The following HERC1 variants were observed in gnomAD, a reference collection of about 807,000 sequenced individuals.
HERC1 encodes probable E3 ubiquitin-protein ligase HERC1.
Under a neutral mutation model 554.3 loss-of-function variants are expected in HERC1, and 160 were observed. The ratio of observed to expected loss-of-function variants is 0.29; its 90% CI spans 0.25 to 0.33. The LOEUF (loss-of-function observed/expected upper bound fraction) is 0.33. HERC1 is among the 10% of genes least tolerant of loss of function. The pLI, the probability that HERC1 is intolerant of heterozygous loss-of-function variation, is 1.00. For synonymous variants in HERC1, 2,175 were observed against 2,131.7 expected (o/e 1.02, Z -0.56); for missense variants, 4,919 against 5,918.5 (o/e 0.83, Z 5.54).
At chr15:63,689,495 G>A in intron 33 of HERC1, 94 bp downstream of exon 33, 1 of 643,122 alleles carries the variant, frequency 1.6e-6, no homozygotes, top group African/African-American at 1.9e-5. Flanking sequence ...ATAAATGATA[G>A]AGCAAGGTGC....
intron 24 of HERC1, among the ~76,000 whole-genome samples, chr15:63,709,131 T>G (rs2073163883): frequency 6.6e-6 from 1 of 151,212 alleles, no homozygotes; most frequent in South Asian, 2.1e-4. Context: ...CTGGGACAGG[T>G]GCACACCACA....
intron 32 of HERC1, 93 bp from the exon 33 acceptor site, chr15:63,689,792 G>A (rs923383189): frequency 3.9e-5 from 26 of 671,540 alleles, no homozygotes; most frequent in Admixed American, 3.9e-4. Context: ...ATATTAACTC[G>A]CATGCGAAGT....
chr15:63,626,890 A>C lies in HERC1; in HGVS notation c.13106-736T>G, dbSNP rs373136951. 1.4e-4 allele frequency among the ~76,000 whole-genome samples: 22 copies of C among 152,320 alleles called. 1 individual carries two copies. The South Asian group carries it at 4.3e-3, about 30-fold the overall frequency. On this transcript the variant is annotated intron_variant, in intron 70 of 77. Transcript: ENST00000443617. Reference sequence around the variant, plus strand: ...GGCACTATTCTAAGAGCTTTACATGAATGGGGCCACTTACTTCTACAGCTC... The same window carrying C: ...GGCACTATTCTAAGAGCTTTACATGCATGGGGCCACTTACTTCTACAGCTC...
intron 1 of HERC1, among the ~76,000 whole-genome samples, chr15:63,815,778 T>C (rs1461588183): frequency 6.6e-6 from 1 of 152,076 alleles, no homozygotes; most frequent in African/African-American, 2.4e-5. Flanking sequence ...GACTGGGTAA[T>C]TTATAAAGGA....
intron 34 of HERC1, among the ~76,000 whole-genome samples, chr15:63,682,513 G>A (rs144129273): frequency 2.0e-5 from 3 of 152,322 alleles, no homozygotes; most frequent in Admixed American, 6.5e-5. Flanking sequence ...GCTCACACCT[G>A]TAATCTTAGC....
Position 63,674,933 on chromosome 15 carries a change from G to C in HERC1, c.7255C>G (p.Arg2419Gly). The change falls in exon 38 of 78, where the codon CGA (arginine) becomes GGA (glycine). Residue 2419 changes from arginine (R) to glycine (G), a missense_variant. Arg to Gly is a moderately radical substitution (Grantham distance 125, BLOSUM62 -2). Around this residue, in one of 11 missense-constraint regions of HERC1, gnomAD observed 1,963 missense variants for 2,228.6 expected, o/e 0.88. Coordinates refer to ENST00000443617, the MANE Select transcript of HERC1 (RefSeq NM_003922.4). ...TCCCCTTTCTCCTCGGATTCATGTC[G>C]GTGTTTCTTTTCATGTCGTTTGGTG... ...QSTKRHEKKH[R>G]HESEEKGDVE... The C allele has an allele frequency of 6.2e-7, 1 of 1,613,966 alleles. No homozygotes were observed. The highest frequency in any genetic ancestry group is 8.5e-7 in the Non-Finnish European group (1 of 1,179,886).
intron 19 of HERC1, among the ~76,000 whole-genome samples, chr15:63,722,146 G>T (rs562982275): frequency 2.6e-5 from 4 of 152,154 alleles, no homozygotes; most frequent in Non-Finnish European, 5.9e-5. Context: ...GATTACAGGC[G>T]TGAGCCACTG....
rs772830820 is a variant in HERC1 at position 63,655,828 on chromosome 15, A to G, written c.9998T>C (p.Val3333Ala). The G allele has an allele frequency of 6.2e-7, 1 of 1,600,636 alleles. No homozygotes were observed. ...CAATGCCACAAGGGCCTGTGTTACA[A>G]CAAAGTTTGGGGAGGTCACAAGCTT... ...ENKLVTSPNF[V>A]VTQALVALLA... Residue 3333 changes from valine to alanine, a missense_variant, in exon 50 of 78, where the codon GTT (valine) becomes GCT (alanine). Around this residue, in one of 11 missense-constraint regions of HERC1, gnomAD observed 1,963 missense variants for 2,228.6 expected, o/e 0.88. Transcript: ENST00000443617.
chr15:63,729,151 C>T lies in HERC1; in HGVS notation c.3154+85G>A, dbSNP rs180701297. ...TTCAAGACCATTCCTATTCCAGAGG[C>T]TTCTGGCTCTCTTAAGACTTTGGAA... On this transcript the variant is annotated intron_variant, in intron 16 of 77. Transcript: ENST00000443617. 250 of 1,218,648 alleles carry T rather than the reference C, an allele frequency of 2.1e-4. 2 individuals are homozygous for T. In the East Asian group the frequency reaches 5.3e-3, roughly 26 times the overall value. 75.5% of individuals were successfully genotyped at this position (1,218,648 alleles called of 1,614,324 possible).
chr15:63,801,106 G>C (rs2076970599), intron 1 of HERC1, among the ~76,000 whole-genome samples: 1 of 152,156 alleles, frequency 6.6e-6, no homozygotes, highest in African/African-American at 2.4e-5. Flanking sequence ...AAAAGGCATA[G>C]AAACTCCATG....
At chr15:63,743,994 G>T (rs1299241260) in intron 12 of HERC1, among the ~76,000 whole-genome samples, 4 of 134,332 alleles carry the variant, frequency 3.0e-5, no homozygotes, top group Middle Eastern at 7.7e-3. Flanking sequence ...TCTACGTTGT[G>T]GTTCTTGCAG....
At chr15:63,796,991 C>A (rs893183082) in intron 1 of HERC1, among the ~76,000 whole-genome samples, 10 of 152,072 alleles carry the variant, frequency 6.6e-5, no homozygotes, top group African/African-American at 2.4e-4. Context: ...TCCATCATGG[C>A]CGGAACTAGT....
intron 25 of HERC1, among the ~76,000 whole-genome samples, chr15:63,705,927 G>A (rs376178804): frequency 6.6e-6 from 1 of 151,108 alleles, no homozygotes; most frequent in Non-Finnish European, 1.5e-5. Flanking sequence ...CTACTTGGGA[G>A]GCTGGAGTAG....
At chr15:63,761,130 G>C (rs2075597452) in intron 3 of HERC1, among the ~76,000 whole-genome samples, 1 of 152,144 alleles carries the variant, frequency 6.6e-6, no homozygotes, top group Admixed American at 6.5e-5. Flanking sequence ...TTATCAACAT[G>C]CAAAAACTCT....
intron 63 of HERC1, 62 bp downstream of exon 63, chr15:63,638,349 A>C (rs1182540600): frequency 2.0e-6 from 3 of 1,533,758 alleles, no homozygotes; most frequent in Non-Finnish European, 2.7e-6. Context: ...CAATAAGACA[A>C]GCAAAAGAAT....
rs374847616 is a variant in HERC1, at chr15:63,811,809, CAAAA to C, written c.-27+22014_-27+22017del. Among the ~76,000 whole-genome samples the C allele has an allele frequency of 3.9e-5, 3 of 77,164 alleles. No homozygotes were observed. In the Admixed American group the frequency reaches 4.4e-4, roughly 11 times the overall value. 50.6% of individuals were successfully genotyped at this position (77,164 alleles called of 152,430 possible). A position where few individuals can be genotyped will look rare whatever the true frequency, so the allele number is the denominator to read the frequency against. ...GGGCGACTCAGTGAGACTCCGTCTC[CAAAA>C]AAAAAAAAAAAAAAACAGAAAGGAA... On this transcript the variant is annotated intron_variant, in intron 1 of 77. Transcript: ENST00000443617.
intron 74 of HERC1, among the ~76,000 whole-genome samples, chr15:63,619,864 G>A (rs961276613): frequency 7.3e-5 from 11 of 151,704 alleles, no homozygotes; most frequent in African/African-American, 2.2e-4. Context: ...TTTTTATTGC[G>A]TCTATTTGAT....
intron 2 of HERC1, among the ~76,000 whole-genome samples, chr15:63,765,092 T>C (rs550290521): frequency 1.3e-5 from 2 of 152,190 alleles, no homozygotes; most frequent in Admixed American, 6.5e-5. Context: ...CCGAAGCAGA[T>C]AGCTACAGAT....
chr15:63,650,417 CTT>C lies in HERC1; in HGVS notation c.10547-494_10547-493del, dbSNP rs74802579. Reference sequence around the variant, plus strand: ...AATAAAATTAATGTTTTTCTGTAACCTTTTTTTTTTTTTTGAAAGAGGGTCTT... The same window carrying C: ...AATAAAATTAATGTTTTTCTGTAACCTTTTTTTTTTTTGAAAGAGGGTCTT... On this transcript the variant is annotated intron_variant, in intron 53 of 77. Coordinates refer to ENST00000443617, the MANE Select transcript of HERC1 (RefSeq NM_003922.4). Among the ~76,000 whole-genome samples, 203 of 142,988 alleles carry C rather than the reference CTT, an allele frequency of 1.4e-3. 1 individual carries two copies. The highest frequency in any genetic ancestry group is 4.6e-3 in the African/African-American group (180 of 38,968). The allele number at this position is 142,988 out of a possible 152,430, so 93.8% of individuals were successfully genotyped here.
Sources: allele counts gnomAD v4.1 joint callset (sites outside exome capture counted in the v4.1 genomes callset), GRCh38; gene constraint gnomAD v4.1.1; regional missense constraint gnomAD v4.1.1; transcripts MANE v1.5; gene names NCBI Gene and HGNC (gene_info 2026-07-23, HGNC 2026-07-21).